The following CNOT1 variants were observed in gnomAD, a reference collection of about 807,000 sequenced individuals.
The protein encoded by CNOT1 is CCR4-associated factor 1.
CNOT1 carries 15 observed loss-of-function variants against 273.8 expected under a neutral mutation model. That is an observed-to-expected ratio of 0.05 (90% CI 0.04 to 0.08). The LOEUF (loss-of-function observed/expected upper bound fraction) is 0.08. Ranked by LOEUF, CNOT1 falls within the 10% of genes least tolerant of loss-of-function variation. The probability of loss-of-function intolerance (pLI) is 1.00; values close to 1 mark genes in which losing one functional copy is unlikely to be tolerated. For missense variants in CNOT1, 1,644 were observed against 2,912.2 expected (o/e 0.56, Z 10.02); for synonymous variants, 1,022 against 1,005.5 (o/e 1.02, Z -0.31).
chr16:58,584,105 T>C (rs1005811177), intron 8 of CNOT1, among the ~76,000 whole-genome samples: 2 of 149,190 alleles, frequency 1.3e-5, no homozygotes, highest in East Asian at 2.1e-4. Flanking sequence ...GAGGTGGAGG[T>C]TGCAGTGAGC....
intron 16 of CNOT1, among the ~76,000 whole-genome samples, chr16:58,573,733 G>A (rs972250954): frequency 2.0e-5 from 3 of 151,850 alleles, no homozygotes; most frequent in East Asian, 1.9e-4. Context: ...CGCCCGCCTC[G>A]GCCTCCCAAA....
intron 1 of CNOT1, among the ~76,000 whole-genome samples, chr16:58,614,105 AAG>A (rs1414250748): frequency 1.7e-5 from 2 of 120,208 alleles, no homozygotes; most frequent in Non-Finnish European, 2.0e-5. Flanking sequence ...AAAAAAAAAA[AAG>A]AAAAGAAAAT....
At chr16:58,540,586 T>C (rs375934138) in intron 34 of CNOT1, among the ~76,000 whole-genome samples, 6 of 152,336 alleles carry the variant, frequency 3.9e-5, no homozygotes, top group Admixed American at 3.3e-4. Context: ...ACTGAAGAAA[T>C]GTGTGATTCT....
At chr16:58,551,294 C>T (rs755200153) in intron 23 of CNOT1, 22 bp from the exon 24 acceptor site, 132 of 1,546,032 alleles carry the variant, frequency 8.5e-5, no homozygotes, top group Non-Finnish European at 1.0e-4. Flanking sequence ...AAATAAAGTA[C>T]ATAAGGCAAA....
rs542089689 is a variant in CNOT1, at chr16:58,609,264, T to C, written c.-174-9753A>G. On this transcript the variant is annotated intron_variant, in intron 1 of 48. Coordinates refer to ENST00000317147, the MANE Select transcript of CNOT1 (RefSeq NM_016284.5). ...GCACACACCTATAATCCCAGCTACT[T>C]GGGAGGCTGAGGCAGGAGAATCACT... 1.2e-3 allele frequency among the ~76,000 whole-genome samples: 185 copies of C among 151,906 alleles called. No individual in the cohort carries two copies. In the Middle Eastern group the frequency reaches 0.014, roughly 11 times the overall value.
chr16:58,611,910 A>G (rs1216040998), intron 1 of CNOT1, among the ~76,000 whole-genome samples: 2 of 151,914 alleles, frequency 1.3e-5, no homozygotes, highest in African/African-American at 4.8e-5. Flanking sequence ...CCTCACACCT[A>G]CTTCTTTTTC....
chr16:58,602,767 A>T (rs752456132), intron 1 of CNOT1, among the ~76,000 whole-genome samples: 32 of 151,896 alleles, frequency 2.1e-4, no homozygotes, highest in Non-Finnish European at 2.9e-4. Flanking sequence ...AAATTTTTTT[A>T]AAAAGAAAAA....
intron 2 of CNOT1, 139 bp downstream of exon 2, chr16:58,599,094 AGAT>A: frequency 2.2e-6 from 2 of 924,606 alleles, no homozygotes; most frequent in Non-Finnish European, 3.2e-6. Context: ...GCTCTTTTAC[AGAT>A]GATGATGACA....
chr16:58,532,477 ATTC>A, intron 40 of CNOT1, 82 bp from the exon 41 acceptor site: 1 of 1,543,678 alleles, frequency 6.5e-7, no homozygotes, highest in Non-Finnish European at 8.7e-7. Context: ...TAAACTTTGC[ATTC>A]TTAAACCCAA....
At position 58,629,814 on chromosome 16, in the gene CNOT1, CT is replaced by C. The variant is rs2043758621; in HGVS notation, c.-262del. ...TCGACCCCCTCTTCGGTTAACTCCG[CT>C]TGTTTCTCTACAAAATGGCGCCGGA... On this transcript the variant is annotated 5_prime_UTR_variant, in exon 1 of 49. Transcript: ENST00000317147. The C allele has an allele frequency of 6.6e-6, 1 of 152,336 alleles. No homozygotes were observed. Among genetic ancestry groups the C allele is most frequent in the African/African-American group, 2.4e-5 (1 of 41,478 alleles). The allele number at this position is 152,336 out of a possible 1,614,324, so 9.4% of individuals were successfully genotyped here.
rs1032145238 is a variant in CNOT1, at chr16:58,599,348, G to A, written c.-11C>T. The A allele has an allele frequency of 3.7e-6, 6 of 1,614,138 alleles. No homozygotes were observed. The highest frequency in any genetic ancestry group is 1.1e-5 in the South Asian group (1 of 91,086). ...CGAGTCAAGATTCATTGCTGGTTGG[G>A]GCGGAAGCAGGCGGCCGAGCCCGGC... On this transcript the variant is annotated 5_prime_UTR_variant, in exon 2 of 49. Transcript: ENST00000317147.
intron 2 of CNOT1, among the ~76,000 whole-genome samples, chr16:58,590,998 AAAAG>A (rs2042033134): frequency 6.6e-6 from 1 of 152,082 alleles, no homozygotes; most frequent in African/African-American, 2.4e-5. Flanking sequence ...TCTGTTAACA[AAAAG>A]AAAGTAAAAC....
At chr16:58,535,760 G>A (rs938143877) in intron 39 of CNOT1, among the ~76,000 whole-genome samples, 8 of 151,144 alleles carry the variant, frequency 5.3e-5, no homozygotes, top group African/African-American at 1.2e-4. Context: ...TTGAGACGGA[G>A]CCTCGCTCTG....
chr16:58,520,925 A>G lies in CNOT1; in HGVS notation c.*33T>C. 1 of 1,602,920 alleles carries G rather than the reference A, an allele frequency of 6.2e-7. No individual in the cohort carries two copies. Among genetic ancestry groups the G allele is most frequent in the Non-Finnish European group, 8.5e-7 (1 of 1,173,932 alleles). ...ATGAACTCGGTGCAGTGAGACCTCT[A>G]GACTGACACGTACAACAGAGATGCA... On this transcript the variant is annotated 3_prime_UTR_variant, in exon 49 of 49. Transcript: ENST00000317147.
intron 31 of CNOT1, chr16:58,543,378 C>CT (rs1256827917): frequency 6.5e-7 from 1 of 1,540,086 alleles, no homozygotes; most frequent in African/African-American, 1.4e-5. Context: ...TGGGTATCTA[C>CT]TATCTGTCAA....
At chr16:58,541,388 G>A (rs2040092150) in intron 34 of CNOT1, 113 bp downstream of exon 34, 1 of 1,473,396 alleles carries the variant, frequency 6.8e-7, no homozygotes, top group Non-Finnish European at 9.1e-7. Context: ...AACTATAGGT[G>A]TTTTTTCCCC....
Position 58,585,407 on chromosome 16 carries a change from A to C in CNOT1, c.737T>G (p.Val246Gly), listed in dbSNP as rs144347520. ...AGAGCTCTCCATCATGGTTTTAGCTACCCCTCCGGAATCAGGCAGGATCCT... is the reference window on the plus strand; with the variant it reads ...AGAGCTCTCCATCATGGTTTTAGCTCCCCCTCCGGAATCAGGCAGGATCCT... The part of the protein sequence containing the change: ...MDRILPDSGG[V>G]AKTMMESSLA... Residue 246 changes from valine (V) to glycine (G), a missense_variant, in exon 8 of 49, where the codon GTA becomes GGA. By Grantham distance (109) the Val-to-Gly change is moderately radical (BLOSUM62 -3). Around this residue, in one of 13 missense-constraint regions of CNOT1, gnomAD observed 706 missense variants for 1,021.2 expected, o/e 0.69. Transcript: ENST00000317147. 1 of 1,613,794 alleles carries C rather than the reference A, an allele frequency of 6.2e-7. No homozygotes were observed. The highest frequency in any genetic ancestry group is 1.1e-5 in the South Asian group (1 of 91,086).
At chr16:58,608,400 A>G (rs1189510996) in intron 1 of CNOT1, among the ~76,000 whole-genome samples, 1 of 151,860 alleles carries the variant, frequency 6.6e-6, no homozygotes, top group Non-Finnish European at 1.5e-5. Flanking sequence ...CTAAAAATAC[A>G]AAAAATTAGC....
chr16:58,581,812 C>T lies in CNOT1; in HGVS notation c.1045-297G>A, dbSNP rs902567644. Among the ~76,000 whole-genome samples the T allele has an allele frequency of 3.8e-4, 58 of 152,044 alleles. 1 individual carries two copies. The highest frequency in any genetic ancestry group is 1.4e-3 in the African/African-American group (56 of 41,396). On this transcript the variant is annotated intron_variant, in intron 10 of 48. Coordinates refer to ENST00000317147, the MANE Select transcript of CNOT1 (RefSeq NM_016284.5). Reference sequence around the variant, plus strand: ...AAGTATCTGGGATTACAGAAGTACACCAACATGCCCAGGTAATTTTTTAAA... The same window carrying T: ...AAGTATCTGGGATTACAGAAGTACATCAACATGCCCAGGTAATTTTTTAAA...
Sources: allele counts gnomAD v4.1 joint callset (sites outside exome capture counted in the v4.1 genomes callset), GRCh38; gene constraint gnomAD v4.1.1; regional missense constraint gnomAD v4.1.1; transcripts MANE v1.5; gene names NCBI Gene and HGNC (gene_info 2026-07-23, HGNC 2026-07-21).